CDC42BPA: variants seen among roughly 807,000 people sequenced by gnomAD.
The protein encoded by CDC42BPA is serine/threonine-protein kinase MRCK alpha.
A neutral mutation model predicts 223.5 loss-of-function variants in CDC42BPA; 80 were observed. That is an observed-to-expected ratio of 0.36 (90% CI 0.30 to 0.43). CDC42BPA has a LOEUF of 0.43. Among genes scored for constraint, CDC42BPA ranks in the 20% least tolerant of loss-of-function variants. The pLI is 1.00. For synonymous variants in CDC42BPA, 694 were observed against 718.6 expected, an observed-to-expected ratio of 0.97 and a Z score of 0.55; for missense variants, 1,743 against 2,099.9, an observed-to-expected ratio of 0.83 and a Z score of 3.32.
intron 9 of CDC42BPA, among the ~76,000 whole-genome samples, chr1:227,140,742 AC>A (rs1659516431): frequency 6.6e-6 from 1 of 152,188 alleles, no homozygotes; most frequent in Non-Finnish European, 1.5e-5. Flanking sequence ...TAAGAGGATC[AC>A]CTGAACAGGA....
At chr1:227,194,128 CA>C (rs1438010030) in intron 4 of CDC42BPA, among the ~76,000 whole-genome samples, 194 bp from the exon 5 acceptor site, 1 of 152,060 alleles carries the variant, frequency 6.6e-6, no homozygotes, top group African/African-American at 2.4e-5. Flanking sequence ...AGCAGTAAAA[CA>C]AAATTTTTAA....
intron 5 of CDC42BPA, among the ~76,000 whole-genome samples, chr1:227,172,424 C>A (rs1666249150): frequency 6.6e-6 from 1 of 152,088 alleles, no homozygotes; most frequent in Non-Finnish European, 1.5e-5. Context: ...TTTCCAAAAA[C>A]CATCCAGATA....
intron 1 of CDC42BPA, among the ~76,000 whole-genome samples, chr1:227,310,435 G>A (rs555559837): frequency 7.2e-5 from 11 of 152,156 alleles, no homozygotes; most frequent in Non-Finnish European, 1.5e-4. Flanking sequence ...CAGTGGGATT[G>A]GAAAGGGGGA....
At chr1:227,252,026 T>C (rs1682100261) in intron 2 of CDC42BPA, among the ~76,000 whole-genome samples, 1 of 152,082 alleles carries the variant, frequency 6.6e-6, no homozygotes, top group African/African-American at 2.4e-5. Context: ...CCAAAATATG[T>C]CTGCTATAGC....
chr1:227,013,397 T>C (rs570023516), intron 34 of CDC42BPA, among the ~76,000 whole-genome samples: 98 of 151,538 alleles, frequency 6.5e-4, no homozygotes, highest in South Asian at 4.4e-3. Context: ...TTTTATCTCT[T>C]TTTTTTTCTT....
intron 24 of CDC42BPA, among the ~76,000 whole-genome samples, chr1:227,037,067 G>C (rs1246095150): frequency 6.6e-6 from 1 of 152,226 alleles, no homozygotes; most frequent in Non-Finnish European, 1.5e-5. Context: ...ACTATGAATT[G>C]CAAGTAATTG....
intron 31 of CDC42BPA, among the ~76,000 whole-genome samples, chr1:227,024,876 G>A (rs542571283): frequency 6.6e-6 from 1 of 152,294 alleles, no homozygotes; most frequent in South Asian, 2.1e-4. Flanking sequence ...GTTCATGAGT[G>A]ATCAGTTTAT....
intron 34 of CDC42BPA, among the ~76,000 whole-genome samples, chr1:227,008,442 AAAAG>A (rs1361583632): frequency 6.6e-6 from 1 of 152,238 alleles, no homozygotes; most frequent in African/African-American, 2.4e-5. Context: ...TTTTGAGGTT[AAAAG>A]AAACAAGCAA....
At chr1:227,000,317 T>C (rs1662551103) in intron 35 of CDC42BPA, among the ~76,000 whole-genome samples, 1 of 152,182 alleles carries the variant, frequency 6.6e-6, no homozygotes, top group South Asian at 2.1e-4. Context: ...GTGGAACGTG[T>C]GTCTCCTTAG....
rs1038717375 is a variant in CDC42BPA, at chr1:226,993,378, T to C, written c.*890A>G. Reference sequence around the variant, plus strand: ...GGAAAAGAAACATCTTGGGTAGAGATGAGTTCGCCTTTTGCTGCTGCTGCT... The same window carrying C: ...GGAAAAGAAACATCTTGGGTAGAGACGAGTTCGCCTTTTGCTGCTGCTGCT... On this transcript the variant is annotated 3_prime_UTR_variant, in exon 37 of 37. Coordinates refer to ENST00000366766, the MANE Select transcript of CDC42BPA (RefSeq NM_001394014.1). 6.6e-6 allele frequency: 1 copy of C among 152,248 alleles called. No individual in the cohort carries two copies. Among genetic ancestry groups the C allele is most frequent in the Non-Finnish European group, 1.5e-5 (1 of 68,048 alleles). 9.4% of individuals were successfully genotyped at this position (152,248 alleles called of 1,614,324 possible).
intron 5 of CDC42BPA, among the ~76,000 whole-genome samples, chr1:227,173,193 A>T (rs1666386790): frequency 6.6e-6 from 1 of 152,228 alleles, no homozygotes; most frequent in Non-Finnish European, 1.5e-5. Flanking sequence ...GCTCCTCCAA[A>T]TGACAGATAC....
intron 15 of CDC42BPA, 131 bp downstream of exon 15, chr1:227,100,861 T>C: frequency 1.6e-6 from 1 of 608,730 alleles, no homozygotes; most frequent in Non-Finnish European, 2.8e-6. Flanking sequence ...TATTATAATT[T>C]TCTATCTGCC....
intron 5 of CDC42BPA, among the ~76,000 whole-genome samples, chr1:227,169,354 T>C (rs1473599): frequency 0.9 from 137,270 of 152,174 alleles, 62,361 homozygotes; most frequent in Middle Eastern, 0.96. Context: ...ATAATAAATG[T>C]TAAATTTCTG....
At chr1:227,267,138 AATT>A (rs1685142345) in intron 1 of CDC42BPA, among the ~76,000 whole-genome samples, 1 of 152,236 alleles carries the variant, frequency 6.6e-6, no homozygotes, top group Admixed American at 6.5e-5. Flanking sequence ...GAAAATGCTT[AATT>A]TATGCATTTT....
rs1283591373 is a variant in CDC42BPA, at chr1:227,254,053, T to C, written c.270+11A>G. 3.4e-6 allele frequency: 5 copies of C among 1,471,806 alleles called. No individual in the cohort carries two copies. The highest frequency in any genetic ancestry group is 4.7e-6 in the Non-Finnish European group (5 of 1,056,962). The allele number at this position is 1,471,806 out of a possible 1,614,324, so 91.2% of individuals were successfully genotyped here. A position where few individuals can be genotyped will look rare whatever the true frequency, so the allele number is the denominator to read the frequency against. On this transcript the variant is annotated intron_variant, in intron 2 of 36. Coordinates refer to ENST00000366766, the MANE Select transcript of CDC42BPA (RefSeq NM_001394014.1). Reference sequence around the variant, plus strand: ...AATTAGCAGACCTTCTATCAAATCTTAATCTCTTACCTCCCCAAAAGCTCC... The same window carrying C: ...AATTAGCAGACCTTCTATCAAATCTCAATCTCTTACCTCCCCAAAAGCTCC...
chr1:227,314,136 G>T (rs899232055), intron 1 of CDC42BPA, among the ~76,000 whole-genome samples: 1 of 152,004 alleles, frequency 6.6e-6, no homozygotes, highest in Non-Finnish European at 1.5e-5. Context: ...TTACAATGTG[G>T]AAGTTATTTT....
intron 5 of CDC42BPA, among the ~76,000 whole-genome samples, chr1:227,168,499 T>G (rs12025875): frequency 2.9e-4 from 14 of 47,896 alleles, no homozygotes; most frequent in South Asian, 5.9e-4. Context: ...TCCCTGGTGT[T>G]TTTTTTTTTT....
At chr1:227,126,113 T>C (rs916536439) in intron 11 of CDC42BPA, among the ~76,000 whole-genome samples, 1 of 151,994 alleles carries the variant, frequency 6.6e-6, no homozygotes, top group East Asian at 1.9e-4. Context: ...AAGGGGACCA[T>C]TCAAGCACTG....
intron 23 of CDC42BPA, among the ~76,000 whole-genome samples, chr1:227,046,217 C>T (rs1382503827): frequency 1.5e-5 from 2 of 137,708 alleles, no homozygotes; most frequent in Admixed American, 1.4e-4. Context: ...TCTATGTGTC[C>T]ACATGAGAGC....
Sources: allele counts gnomAD v4.1 joint callset (sites outside exome capture counted in the v4.1 genomes callset), GRCh38; gene constraint gnomAD v4.1.1; transcripts MANE v1.5; gene names NCBI Gene and HGNC (gene_info 2026-07-23, HGNC 2026-07-21).